The following ME3 variants were observed in gnomAD, a reference collection of about 807,000 sequenced individuals.
ME3 encodes the protein NADP-dependent malic enzyme, mitochondrial.
In ME3, 48 loss-of-function variants were observed where a neutral mutation model predicts 68.9. The observed-to-expected ratio is 0.70, with a 90% confidence interval of 0.55 to 0.89. The LOEUF is 0.89. Among genes scored for constraint, ME3 ranks in the 40% least tolerant of loss-of-function variants. ME3 has a pLI of 0.00. For synonymous variants in ME3, 320 were observed against 318.8 expected (o/e 1.00, Z -0.04); for missense variants, 675 against 797.4 (o/e 0.85, Z 1.85).
chr11:86,526,887 A>G (rs1022912963), intron 4 of ME3, among the ~76,000 whole-genome samples: 72 of 152,168 alleles, frequency 4.7e-4, no homozygotes, highest in African/African-American at 1.7e-3. Context: ...TCACAGACCA[A>G]AGGTAGATAA....
At chr11:86,497,984 C>T (rs1952472758) in exon 6 of ME3, 3 of 1,605,324 alleles carry the variant, frequency 1.9e-6, no homozygotes, top group South Asian at 1.1e-5. Flanking sequence ...TGCCGACGTC[C>T]AGCAGCACAG....
intron 2 of ME3, among the ~76,000 whole-genome samples, chr11:86,663,659 C>T (rs1475826711): frequency 6.6e-6 from 1 of 152,054 alleles, no homozygotes; most frequent in Non-Finnish European, 1.5e-5. Flanking sequence ...GGCCTTTTTT[C>T]CCCCCTCTCA....
chr11:86,573,540 G>A (rs748325681), intron 2 of ME3, among the ~76,000 whole-genome samples: 4 of 151,666 alleles, frequency 2.6e-5, no homozygotes, highest in African/African-American at 7.3e-5. Context: ...TCTGACAGAC[G>A]GGAGTTTTCT....
chr11:86,473,371 G>A (rs866641417), intron 7 of ME3, among the ~76,000 whole-genome samples: 1 of 152,178 alleles, frequency 6.6e-6, no homozygotes. Flanking sequence ...ATCTGGCATG[G>A]GGTTAAAGTG....
At chr11:86,582,387 C>G (rs1305823194) in intron 2 of ME3, among the ~76,000 whole-genome samples, 1 of 152,146 alleles carries the variant, frequency 6.6e-6, no homozygotes, top group East Asian at 1.9e-4. Context: ...AGTCCTTGGC[C>G]CCTACCTGTA....
At chr11:86,507,751 G>A (rs1263104632) in intron 5 of ME3, among the ~76,000 whole-genome samples, 1 of 152,128 alleles carries the variant, frequency 6.6e-6, no homozygotes, top group African/African-American at 2.4e-5. Flanking sequence ...GGGAGGCGTC[G>A]ATGGACAGAT....
intron 8 of ME3, among the ~76,000 whole-genome samples, chr11:86,461,907 T>G (rs1179114653): frequency 6.6e-6 from 1 of 152,222 alleles, no homozygotes; most frequent in Non-Finnish European, 1.5e-5. Context: ...GCTTTAGTCT[T>G]GAATTTCTGA....
At chr11:86,597,246 A>G (rs1410968376) in intron 2 of ME3, among the ~76,000 whole-genome samples, 2 of 152,260 alleles carry the variant, frequency 1.3e-5, no homozygotes, top group Non-Finnish European at 2.9e-5. Context: ...TCTGGAGCTC[A>G]GTTCCAAGGA....
intron 2 of ME3, among the ~76,000 whole-genome samples, chr11:86,606,251 C>T (rs901606813): frequency 6.6e-6 from 1 of 152,166 alleles, no homozygotes; most frequent in Admixed American, 6.5e-5. Flanking sequence ...TACTGAGGCT[C>T]GGAGAGGTCA....
At chr11:86,584,442 T>C (rs1269277963) in intron 2 of ME3, among the ~76,000 whole-genome samples, 1 of 152,204 alleles carries the variant, frequency 6.6e-6, no homozygotes, top group African/African-American at 2.4e-5. Context: ...AACTACCATA[T>C]GATCCAGCAA....
intron 2 of ME3, among the ~76,000 whole-genome samples, chr11:86,627,562 A>G (rs1041603232): frequency 6.6e-6 from 1 of 152,232 alleles, no homozygotes; most frequent in Non-Finnish European, 1.5e-5. Flanking sequence ...CAGACACACA[A>G]TAAAATTACC....
chr11:86,549,035 T>C (rs1956528560), intron 4 of ME3, among the ~76,000 whole-genome samples: 1 of 152,246 alleles, frequency 6.6e-6, no homozygotes, highest in African/African-American at 2.4e-5. Context: ...ATCCCAGACT[T>C]GCTCAGTCTA....
At chr11:86,549,588 C>T (rs1052797359) in intron 4 of ME3, among the ~76,000 whole-genome samples, 1 of 152,206 alleles carries the variant, frequency 6.6e-6, no homozygotes, top group African/African-American at 2.4e-5. Flanking sequence ...ACGGGGTACA[C>T]GGTTACCTAA....
chr11:86,658,848 G>C (rs1946092482), intron 2 of ME3, among the ~76,000 whole-genome samples: 2 of 152,064 alleles, frequency 1.3e-5, no homozygotes, highest in Admixed American at 1.3e-4. Context: ...TCTGATGGGT[G>C]GATTTAAAAG....
In ME3 at chr11:86,609,555, A is replaced by G. The variant is rs771825440; in HGVS notation, c.184-49732T>C. On this transcript the variant is annotated intron_variant, in intron 2 of 14. Coordinates refer to ENST00000543262, the Ensembl canonical transcript of ME3. ...AGGAGCTTACAATCTGCTATGAATC[A>G]TAAGTGTGCATATATGTATGCATGC... Among the ~76,000 whole-genome samples, 4 of 152,192 alleles carry G rather than the reference A, an allele frequency of 2.6e-5. No homozygotes were observed. The East Asian group carries it at 5.8e-4, about 22-fold the overall frequency.
rs181704631 is a variant in ME3 at position 86,653,797 on chromosome 11, G to T, written c.183+17965C>A. 2.3e-3 allele frequency among the ~76,000 whole-genome samples: 352 copies of T among 152,262 alleles called. 3 individuals carry two copies. The highest frequency in any genetic ancestry group is 3.9e-3 in the Non-Finnish European group (265 of 68,030). On this transcript the variant is annotated intron_variant, in intron 2 of 14. Coordinates refer to ENST00000543262, the Ensembl canonical transcript of ME3. ...ACAAAAATCCCTTCAAAAAATCAAT[G>T]AATCCAGGAGCTGTTTTTTTGAAAA...
At chr11:86,553,717 C>T (rs894068059) in intron 4 of ME3, among the ~76,000 whole-genome samples, 1 of 152,232 alleles carries the variant, frequency 6.6e-6, no homozygotes. Context: ...CTCAAGCTCA[C>T]TCAGCTGCAG....
chr11:86,477,267 C>A (rs964433312), intron 7 of ME3, among the ~76,000 whole-genome samples: 1 of 152,138 alleles, frequency 6.6e-6, no homozygotes, highest in Non-Finnish European at 1.5e-5. Context: ...TTAACAATTG[C>A]AGTTAGTGGG....
intron 2 of ME3, among the ~76,000 whole-genome samples, chr11:86,638,980 A>G (rs1944509337): frequency 6.6e-6 from 1 of 152,162 alleles, no homozygotes; most frequent in South Asian, 2.1e-4. Context: ...TTCTATCTCT[A>G]GAGAATGTTA....
Sources: gnomAD v4.1 joint callset for allele counts (sites outside exome capture counted in the v4.1 genomes callset) on GRCh38, gnomAD v4.1.1 for gene constraint, MANE v1.5 for transcripts, NCBI Gene and HGNC (gene_info 2026-07-23, HGNC 2026-07-21) for gene names.